GSE1: variants seen among roughly 807,000 people sequenced by gnomAD.
GSE1 encodes the protein genetic suppressor element 1.
In GSE1, 32 loss-of-function variants were observed where a neutral mutation model predicts 112.6. The ratio of observed to expected loss-of-function variants is 0.28; its 90% CI spans 0.21 to 0.38. The LOEUF is 0.38. Among genes scored for constraint, GSE1 ranks in the 10% least tolerant of loss-of-function variants. The pLI, the probability that GSE1 is intolerant of heterozygous loss-of-function variation, is 1.00. For missense variants in GSE1, 2,348 were observed against 1,699.2 expected (o/e 1.38, Z -6.71); for synonymous variants, 1,115 against 735.6 (o/e 1.52, Z -8.35).
At chr16:85,295,085 C>T (rs1285255360) in intron 1 of GSE1, among the ~76,000 whole-genome samples, 1 of 152,044 alleles carries the variant, frequency 6.6e-6, no homozygotes, top group African/African-American at 2.4e-5. Flanking sequence ...CTAATACCAT[C>T]ACCTCGAGGG....
At chr16:85,519,180 G>A (rs1360128580) in intron 2 of GSE1, among the ~76,000 whole-genome samples, 3 of 142,762 alleles carry the variant, frequency 2.1e-5, no homozygotes, top group African/African-American at 2.5e-5. Flanking sequence ...ATTTGTAAAC[G>A]TTTTCCCCTA....
In GSE1 at chr16:85,657,340, C is replaced by T. The variant is rs1436743499; in HGVS notation, c.1376C>T (p.Pro459Leu). Residue 459 changes from proline to leucine, a missense_variant, in exon 8 of 16, where the codon CCC (proline) becomes CTC (leucine). Coordinates refer to ENST00000253458, the MANE Select transcript of GSE1 (RefSeq NM_014615.5). Reference protein sequence around the residue: ...KPVQHPLHPVPTPHHTVPSLI... With the variant: ...KPVQHPLHPVLTPHHTVPSLI... Reference sequence around the variant, plus strand: ...GTCCAACACCCCTTGCATCCGGTGCCCACCCCACACCACACGGTGCCCAGC... The same window carrying T: ...GTCCAACACCCCTTGCATCCGGTGCTCACCCCACACCACACGGTGCCCAGC... 5 of 1,608,904 alleles carry T rather than the reference C, an allele frequency of 3.1e-6. No individual in the cohort carries two copies. Among genetic ancestry groups the T allele is most frequent in the South Asian group, 2.2e-5 (2 of 90,506 alleles).
rs569308221 is a variant in GSE1, at chr16:85,270,410, C to T, written c.2284-87053C>T. Among the ~76,000 whole-genome samples the T allele has an allele frequency of 5.2e-4, 78 of 149,228 alleles. 4 individuals are homozygous for T. The highest frequency in any genetic ancestry group is 1.8e-3 in the African/African-American group (73 of 41,368). ...TCCCAGCGACATCCAAGGCTCCACT[C>T]CGTCTGCTTGGGTGACTCTCCGAGG... On this transcript the variant is annotated intron_variant, in intron 1 of 2. Coordinates refer to the GSE1 transcript ENST00000637419.
chr16:85,474,810 T>G (rs1489547548), intron 2 of GSE1, among the ~76,000 whole-genome samples: 8 of 152,074 alleles, frequency 5.3e-5, no homozygotes, highest in Admixed American at 2.6e-4. Flanking sequence ...AGAAGAAAGA[T>G]GCCATGAAGC....
intron 1 of GSE1, among the ~76,000 whole-genome samples, chr16:85,572,119 C>G (rs1349329115): frequency 6.7e-6 from 1 of 148,822 alleles, no homozygotes; most frequent in Non-Finnish European, 1.5e-5. Context: ...ACACACAACG[C>G]ACACACACAC....
At position 85,441,528 on chromosome 16, in the gene GSE1, G is replaced by A. The variant is rs139506557; in HGVS notation, c.2464+83885G>A. On this transcript the variant is annotated intron_variant, in intron 2 of 2. Coordinates refer to the GSE1 transcript ENST00000637419. ...AAATTAGCTGGGCGTAGTGGTGTGCGCCTGTAATCCCAGCTACTCAGGAGG... is the reference window on the plus strand; with the variant it reads ...AAATTAGCTGGGCGTAGTGGTGTGCACCTGTAATCCCAGCTACTCAGGAGG... Among the ~76,000 whole-genome samples, 1,284 of 152,290 alleles carry A rather than the reference G, an allele frequency of 8.4e-3. 11 individuals carry two copies. Among genetic ancestry groups the A allele is most frequent in the Non-Finnish European group, 0.015 (994 of 68,022 alleles).
At chr16:85,283,931 T>G (rs1209263386) in intron 1 of GSE1, among the ~76,000 whole-genome samples, 1 of 152,132 alleles carries the variant, frequency 6.6e-6, no homozygotes, top group African/African-American at 2.4e-5. Flanking sequence ...CTCCACCACG[T>G]CTCCCTCCTG....
intron 2 of GSE1, among the ~76,000 whole-genome samples, chr16:85,504,655 A>T (rs2051478092): frequency 6.6e-6 from 1 of 152,282 alleles, no homozygotes; most frequent in Non-Finnish European, 1.5e-5. Context: ...AAGAAATTTA[A>T]GGAAAAAAAT....
intron 1 of GSE1, chr16:85,171,929 G>T: frequency 4.0e-6 from 2 of 500,412 alleles, no homozygotes; most frequent in Non-Finnish European, 5.2e-6. Flanking sequence ...TCTGTGCGGG[G>T]TGTTCCGGGG....
At chr16:85,507,049 G>C (rs1387590049) in intron 2 of GSE1, among the ~76,000 whole-genome samples, 1 of 152,152 alleles carries the variant, frequency 6.6e-6, no homozygotes, top group Non-Finnish European at 1.5e-5. Flanking sequence ...TAACCGTGTG[G>C]GGTTGCGGTT....
intron 2 of GSE1, among the ~76,000 whole-genome samples, chr16:85,369,669 C>T (rs939765762): frequency 3.9e-5 from 6 of 152,186 alleles, no homozygotes; most frequent in African/African-American, 1.4e-4. Context: ...TCCCTTCTGC[C>T]ATAGAAGGTG....
chr16:85,599,321 G>T (rs143702484), intron 1 of GSE1, among the ~76,000 whole-genome samples: 1 of 152,374 alleles, frequency 6.6e-6, no homozygotes, highest in East Asian at 1.9e-4. Context: ...ATGACGAGGT[G>T]AGCTGGTGTC....
At chr16:85,523,677 A>C (rs2052267352) in intron 2 of GSE1, among the ~76,000 whole-genome samples, 1 of 152,212 alleles carries the variant, frequency 6.6e-6, no homozygotes, top group South Asian at 2.1e-4. Context: ...TCCACCCCCA[A>C]ACCTTCCCTG....
At chr16:85,314,362 T>C (rs1428706852) in intron 1 of GSE1, among the ~76,000 whole-genome samples, 2 of 152,114 alleles carry the variant, frequency 1.3e-5, no homozygotes, top group Non-Finnish European at 2.9e-5. Context: ...GTTTTCAGCT[T>C]GTGTCTCACG....
intron 1 of GSE1, among the ~76,000 whole-genome samples, chr16:85,320,371 C>T (rs2046077697): frequency 6.6e-6 from 1 of 152,238 alleles, no homozygotes; most frequent in Non-Finnish European, 1.5e-5. Context: ...GAGCAGACGC[C>T]CAGTTTTCAC....
intron 2 of GSE1, among the ~76,000 whole-genome samples, chr16:85,436,459 G>A (rs1231614136): frequency 6.6e-6 from 1 of 152,198 alleles, no homozygotes; most frequent in East Asian, 1.9e-4. Context: ...CCCTCTCCCT[G>A]GTTGATCTTT....
intron 2 of GSE1, among the ~76,000 whole-genome samples, chr16:85,455,337 C>T (rs2049795808): frequency 1.3e-5 from 2 of 151,944 alleles, no homozygotes; most frequent in Non-Finnish European, 2.9e-5. Context: ...GATTGTGCCA[C>T]TGCCACTCCA....
At chr16:85,573,449 C>A (rs1040512100) in intron 1 of GSE1, among the ~76,000 whole-genome samples, 2 of 152,124 alleles carry the variant, frequency 1.3e-5, no homozygotes, top group African/African-American at 4.8e-5. Context: ...TTTTGTGTGT[C>A]TGTATGTTTT....
chr16:85,632,790 G>C (rs2049650155), intron 1 of GSE1, among the ~76,000 whole-genome samples: 1 of 152,110 alleles, frequency 6.6e-6, no homozygotes, highest in East Asian at 1.9e-4. Flanking sequence ...CCCGCCCCAA[G>C]ATGCATCCAC....
Sources: allele counts gnomAD v4.1 joint callset (sites outside exome capture counted in the v4.1 genomes callset), GRCh38; gene constraint gnomAD v4.1.1; transcripts MANE v1.5; gene names NCBI Gene and HGNC (gene_info 2026-07-23, HGNC 2026-07-21).